NAP1L1: variants seen among roughly 807,000 people sequenced by gnomAD.
The protein encoded by NAP1L1 is nucleosome assembly protein 1 like 1, also known as nucleosome assembly protein 1-like 1.
Under a neutral mutation model 58.9 loss-of-function variants are expected in NAP1L1, and 9 were observed. That is an observed-to-expected ratio of 0.15 (90% CI 0.09 to 0.27). NAP1L1 has a LOEUF of 0.27. Among genes scored for constraint, NAP1L1 ranks in the 10% least tolerant of loss-of-function variants. The probability of loss-of-function intolerance (pLI) is 1.00; values close to 1 mark genes in which losing one functional copy is unlikely to be tolerated. For missense variants in NAP1L1, 302 were observed against 458.8 expected, an observed-to-expected ratio of 0.66 and a Z score of 3.12; for synonymous variants, 130 against 138.3, an observed-to-expected ratio of 0.94 and a Z score of 0.42.
chr12:76,079,203 A>G (rs1303010647), intron 1 of NAP1L1, among the ~76,000 whole-genome samples: 4 of 152,214 alleles, frequency 2.6e-5, no homozygotes, highest in African/African-American at 7.2e-5. Context: ...GGCTCTTAAA[A>G]TACTATCCCC....
chr12:76,057,414 TA>T lies in NAP1L1; in HGVS notation c.430-1254del, dbSNP rs571876714. ...AAAAAGGAAAAATATTTCCTAGGTA[TA>T]AAAATACAACTGATGCTCTAGGGAG... On this transcript the variant is annotated intron_variant, in intron 6 of 14. Transcript: ENST00000618691. 5.8e-4 allele frequency: 288 copies of T among 500,122 alleles called. 7 individuals carry two copies. The highest frequency in any genetic ancestry group is 5.7e-3 in the South Asian group (263 of 46,246). 31.0% of individuals were successfully genotyped at this position (500,122 alleles called of 1,614,324 possible).
intron 1 of NAP1L1, among the ~76,000 whole-genome samples, chr12:76,082,160 T>G (rs1175816102): frequency 2.0e-5 from 3 of 152,188 alleles, no homozygotes; most frequent in Non-Finnish European, 4.4e-5. Flanking sequence ...AACCAAGAAG[T>G]GAATAAAATA....
rs1303123524 is a variant in NAP1L1 at position 76,047,255 on chromosome 12, A to G, written c.*1174T>C. On this transcript the variant is annotated 3_prime_UTR_variant, in exon 15 of 15. Transcript: ENST00000618691. The stretch of plus-strand genomic sequence containing the variant: ...TAGGTAAACAGTACTACCCATTTTA[A>G]TTACACAGTAAACAGAAGCACGGGT... The G allele has an allele frequency of 1.3e-5, 2 of 152,584 alleles. No individual in the cohort carries two copies. Among genetic ancestry groups the G allele is most frequent in the Middle Eastern group, 3.4e-3 (1 of 294 alleles). 9.5% of individuals were successfully genotyped at this position (152,584 alleles called of 1,614,324 possible).
intron 1 of NAP1L1, chr12:76,084,024 C>G (rs1361812649): frequency 6.6e-6 from 1 of 152,160 alleles, no homozygotes; most frequent in African/African-American, 2.4e-5. Flanking sequence ...CAGCCTCCCC[C>G]GCCCCCTCCC....
At chr12:76,077,271 C>T (rs1950215506) in intron 1 of NAP1L1, among the ~76,000 whole-genome samples, 1 of 152,208 alleles carries the variant, frequency 6.6e-6, no homozygotes, top group Non-Finnish European at 1.5e-5. Flanking sequence ...GAGAAGGCTG[C>T]TCTAACCTGC....
intron 1 of NAP1L1, among the ~76,000 whole-genome samples, chr12:76,083,267 GT>G (rs1350134704): frequency 6.6e-6 from 1 of 152,002 alleles, no homozygotes; most frequent in East Asian, 1.9e-4. Flanking sequence ...AAAGGAAACC[GT>G]TAAGTATCTT....
rs1949729886 is a variant in NAP1L1, at chr12:76,067,367, G to A, written c.206+4C>T. ...GATAAATAAGGACTATGGAAAAGCTGTACCTTTCAATGTATCCTGTTGGTG... is the reference window on the plus strand; with the variant it reads ...GATAAATAAGGACTATGGAAAAGCTATACCTTTCAATGTATCCTGTTGGTG... On this transcript the variant is annotated splice_donor_region_variant and intron_variant, in intron 4 of 14. Transcript: ENST00000618691. 6.3e-7 allele frequency: 1 copy of A among 1,593,252 alleles called. No homozygotes were observed. Among genetic ancestry groups the A allele is most frequent in the African/African-American group, 1.3e-5 (1 of 74,454 alleles).
In NAP1L1 at chr12:76,048,141, T is replaced by G. The variant is rs1450344777; in HGVS notation, c.*288A>C. ...GGTATTTCCTTTAACAGTTGTTAAT[T>G]TTCATAGCTGTACTCCAAGAGCTAC... On this transcript the variant is annotated 3_prime_UTR_variant, in exon 15 of 15. Transcript: ENST00000618691. 2.6e-6 allele frequency: 1 copy of G among 384,070 alleles called. No homozygotes were observed. The allele number at this position is 384,070 out of a possible 1,614,324, so 23.8% of individuals were successfully genotyped here.
In NAP1L1 at chr12:76,049,874, T is replaced by C. The variant is rs1032673730; in HGVS notation, c.1060-89A>G. ...TAACATTTATCACTGTATAAACTAGTGTCTAAAAAGAGAAAACCTACTTTC... is the reference window on the plus strand; with the variant it reads ...TAACATTTATCACTGTATAAACTAGCGTCTAAAAAGAGAAAACCTACTTTC... On this transcript the variant is annotated intron_variant, in intron 12 of 14. Transcript: ENST00000618691. The C allele has an allele frequency of 3.5e-6, 5 of 1,436,892 alleles. No homozygotes were observed. In the African/African-American group the frequency reaches 7.0e-5, roughly 20 times the overall value. 89.0% of individuals were successfully genotyped at this position (1,436,892 alleles called of 1,614,324 possible).
intron 2 of NAP1L1, among the ~76,000 whole-genome samples, chr12:76,072,701 C>T (rs1351550050): frequency 6.6e-6 from 1 of 152,088 alleles, no homozygotes; most frequent in African/African-American, 2.4e-5. Flanking sequence ...TTAATTATCA[C>T]ACACAAATGG....
chr12:76,081,078 C>CT (rs11431697), intron 1 of NAP1L1, among the ~76,000 whole-genome samples: 117,938 of 150,578 alleles, frequency 0.78, 46,735 homozygotes, highest in East Asian at 0.98. Context: ...GAAATAAATT[C>CT]TTTTTTTTTA....
chr12:76,083,702 T>A (rs1314414963), intron 1 of NAP1L1: 2 of 152,190 alleles, frequency 1.3e-5, no homozygotes, highest in Non-Finnish European at 2.9e-5. Flanking sequence ...GTTAACTTTT[T>A]AAAATACTAG....
chr12:76,078,196 T>G (rs942501696), intron 1 of NAP1L1, among the ~76,000 whole-genome samples: 2 of 152,004 alleles, frequency 1.3e-5, no homozygotes, highest in Non-Finnish European at 2.9e-5. Flanking sequence ...TTAACCAAAG[T>G]TAAAATTCTG....
At chr12:76,059,919 G>T in intron 5 of NAP1L1, 41 bp from the exon 6 acceptor site, 1 of 1,454,972 alleles carries the variant, frequency 6.9e-7, no homozygotes, top group Non-Finnish European at 9.4e-7. Context: ...AAAAACACTG[G>T]CATCCAAGCT....
intron 11 of NAP1L1, among the ~76,000 whole-genome samples, chr12:76,052,615 ACTTT>A (rs1017403362): frequency 7.2e-5 from 11 of 152,196 alleles, no homozygotes; most frequent in Admixed American, 2.6e-4. Context: ...GTGTGTATAG[ACTTT>A]CTTTAAGGTT....
rs1054942302 is a variant in NAP1L1, at chr12:76,043,544, G to C, written c.*4885C>G. The C allele has an allele frequency of 1.3e-5, 2 of 149,302 alleles. No individual in the cohort carries two copies. The highest frequency in any genetic ancestry group is 4.9e-5 in the African/African-American group (2 of 40,526). 9.2% of individuals were successfully genotyped at this position (149,302 alleles called of 1,614,324 possible). A position where few individuals can be genotyped will look rare whatever the true frequency, so the allele number is the denominator to read the frequency against. On this transcript the variant is annotated 3_prime_UTR_variant, in exon 15 of 15. Coordinates refer to ENST00000618691, the MANE Select transcript of NAP1L1 (RefSeq NM_004537.7). ...CCTCATCCTCACTTGAAATACTCTTGTAACAGGTGGTTCCAGTGTTTTAAA... is the reference window on the plus strand; with the variant it reads ...CCTCATCCTCACTTGAAATACTCTTCTAACAGGTGGTTCCAGTGTTTTAAA...
chr12:76,061,752 AGCC>A (rs1949427403), intron 4 of NAP1L1, among the ~76,000 whole-genome samples: 2 of 152,252 alleles, frequency 1.3e-5, no homozygotes, highest in African/African-American at 4.8e-5. Context: ...TCACTTACTT[AGCC>A]ACCAGTTTAC....
intron 13 of NAP1L1, chr12:76,049,546 T>C (rs1948724963): frequency 7.2e-6 from 11 of 1,534,412 alleles, no homozygotes; most frequent in African/African-American, 1.4e-5. Context: ...ACAAAATTAT[T>C]TGAAATAAAA....
At chr12:76,056,291 A>C (rs1592629918) in intron 6 of NAP1L1, 130 bp from the exon 7 acceptor site, 1 of 912,752 alleles carries the variant, frequency 1.1e-6, no homozygotes. Context: ...CTGTGTAAAC[A>C]CCGCCGTTGC....
Sources: allele counts gnomAD v4.1 joint callset (sites outside exome capture counted in the v4.1 genomes callset), GRCh38; gene constraint gnomAD v4.1.1; transcripts MANE v1.5; gene names NCBI Gene and HGNC (gene_info 2026-07-23, HGNC 2026-07-21).